The following ZNF761 variants were observed in gnomAD, a reference collection of about 807,000 sequenced individuals.
The protein encoded by ZNF761 is zinc finger protein 761.
A neutral mutation model predicts 59.9 loss-of-function variants in ZNF761; 43 were observed. The ratio of observed to expected loss-of-function variants is 0.72; its 90% CI spans 0.56 to 0.92. The LOEUF is 0.92. Among genes scored for constraint, ZNF761 ranks in the 40% least tolerant of loss-of-function variants. The probability of loss-of-function intolerance (pLI) is 0.00; values close to 1 mark genes in which losing one functional copy is unlikely to be tolerated. For synonymous variants in ZNF761, 294 were observed against 304.8 expected (o/e 0.96, Z 0.37); for missense variants, 850 against 906.1 (o/e 0.94, Z 0.79).
In ZNF761 at chr19:53,441,884, G is replaced by A. The variant is rs974809123; in HGVS notation, c.-184-4343G>A. The A allele has an allele frequency of 6.7e-5, 106 of 1,575,876 alleles. No homozygotes were observed. The Admixed American group carries it at 1.2e-3, about 18-fold the overall frequency. On this transcript the variant is annotated intron_variant, in intron 1 of 4. Transcript: ENST00000684525. ...CAGCATGGCTGGGATCACCACCATC[G>A]AGGCAGTGAAGCGCAAGATCCAGGT...
intron 4 of ZNF761, among the ~76,000 whole-genome samples, chr19:53,452,084 C>T (rs2147140507): frequency 6.6e-6 from 1 of 152,264 alleles, no homozygotes; most frequent in Non-Finnish European, 1.5e-5. Flanking sequence ...CGAGGTGGCT[C>T]ATACCTCTAA....
intron 4 of ZNF761, among the ~76,000 whole-genome samples, chr19:53,450,970 G>A (rs2086216677): frequency 6.7e-6 from 1 of 149,528 alleles, no homozygotes; most frequent in Admixed American, 6.7e-5. Flanking sequence ...TCCAGCCTGG[G>A]CGATAGCACG....
chr19:53,456,447 C>A lies in ZNF761; in HGVS notation c.1940C>A (p.Ser647Ter), dbSNP rs1334687398. 6.2e-7 allele frequency: 1 copy of A among 1,613,768 alleles called. No homozygotes were observed. The highest frequency in any genetic ancestry group is 1.7e-5 in the Admixed American group (1 of 59,992). Residue 647 changes from serine to a stop codon, truncating the protein, a stop_gained, in exon 5 of 5, where the codon TCA becomes TAA. Coordinates refer to ENST00000684525, the MANE Select transcript of ZNF761 (RefSeq NM_001289951.2). LOFTEE classifies it high-confidence loss of function. ...EECDKAFRVK[S>*]NLEGHRRIHT... ...TGTGACAAAGCTTTCCGTGTGAAAT[C>A]AAACCTTGAAGGACATAGGAGAATT... is the stretch of plus-strand genomic sequence containing the variant.
At position 53,456,625 on chromosome 19, in the gene ZNF761, A is replaced by G. The variant is rs553114710; in HGVS notation, c.2118A>G (p.Ile706Met). 12 of 1,613,454 alleles carry G rather than the reference A, an allele frequency of 7.4e-6. No homozygotes were observed. The East Asian group carries it at 2.7e-4, about 36-fold the overall frequency. The change falls in exon 5 of 5, where the codon ATA becomes ATG. Residue 706 changes from isoleucine (I) to methionine (M), a missense_variant. Transcript: ENST00000684525. ...ACTTTAGTCAGAAGTCATCCCTTAT[A>G]TGCCACCATAGACTTCATACTGGAG... ...GKNFSQKSSL[I>M]CHHRLHTGEK...
At chr19:53,439,044 G>A (rs376685282) in intron 1 of ZNF761, among the ~76,000 whole-genome samples, 1 of 152,082 alleles carries the variant, frequency 6.6e-6, no homozygotes, top group South Asian at 2.1e-4. Context: ...GCGGCCACAT[G>A]GCTGGATCAT....
intron 1 of ZNF761, chr19:53,444,959 A>G (rs113234738): frequency 0.2 from 30,153 of 150,484 alleles, 3,439 homozygotes; most frequent in Non-Finnish European, 0.26. Flanking sequence ...AAAAGCACCC[A>G]TGATTCTTTT....
chr19:53,432,945 A>G (rs2085988574), intron 1 of ZNF761, among the ~76,000 whole-genome samples: 1 of 151,740 alleles, frequency 6.6e-6, no homozygotes, highest in Non-Finnish European at 1.5e-5. Flanking sequence ...ATTTGGAGCC[A>G]GGGCAGACAG....
At chr19:53,438,563 A>G (rs865933366) in intron 1 of ZNF761, among the ~76,000 whole-genome samples, 1 of 152,166 alleles carries the variant, frequency 6.6e-6, no homozygotes, top group African/African-American at 2.4e-5. Context: ...TTAGTTTTTT[A>G]AAAGAGGGGC....
At chr19:53,438,735 A>G (rs1179133731) in intron 1 of ZNF761, among the ~76,000 whole-genome samples, 1 of 152,192 alleles carries the variant, frequency 6.6e-6, no homozygotes, top group Non-Finnish European at 1.5e-5. Flanking sequence ...TCATAGCCAA[A>G]CCAGTGTTCC....
chr19:53,452,739 C>G (rs1190612669), intron 4 of ZNF761, among the ~76,000 whole-genome samples: 1 of 152,182 alleles, frequency 6.6e-6, no homozygotes, highest in Non-Finnish European at 1.5e-5. Flanking sequence ...ATGGTGGAAA[C>G]AGGAACAGGC....
chr19:53,440,910 G>C (rs4803121), intron 1 of ZNF761, among the ~76,000 whole-genome samples: 44,854 of 152,076 alleles, frequency 0.29, 7,692 homozygotes, highest in South Asian at 0.54. Flanking sequence ...TCCTGAGCTC[G>C]AAGGATCTTC....
At chr19:53,441,983 G>A (rs1252247784) in intron 1 of ZNF761, 1 of 1,355,416 alleles carries the variant, frequency 7.4e-7, no homozygotes. Context: ...AAAAAGGTGG[G>A]CCTGGGAACA....
chr19:53,455,550 A>G lies in ZNF761; in HGVS notation c.1043A>G (p.His348Arg), dbSNP rs1303023953. 1.2e-6 allele frequency: 2 copies of G among 1,613,094 alleles called. No individual in the cohort carries two copies. Among genetic ancestry groups the G allele is most frequent in the Non-Finnish European group, 8.5e-7 (1 of 1,179,520 alleles). Residue 348 changes from histidine (H) to arginine (R), a missense_variant, in exon 5 of 5, where the codon CAT (histidine) becomes CGT (arginine). Coordinates refer to ENST00000684525, the MANE Select transcript of ZNF761 (RefSeq NM_001289951.2). ...KSILTRHHRL[H>R]TGEKPYKCNE... ...ATCCTTACACGCCATCATCGACTTC[A>G]TACTGGAGAGAAACCTTACAAGTGT...
chr19:53,436,479 G>C (rs1184562354), intron 1 of ZNF761, among the ~76,000 whole-genome samples: 3 of 152,192 alleles, frequency 2.0e-5, no homozygotes, highest in Non-Finnish European at 4.4e-5. Context: ...TGAATACCTA[G>C]TTTGTTTGGT....
chr19:53,453,158 C>G (rs1239359258), intron 4 of ZNF761, among the ~76,000 whole-genome samples: 1 of 152,112 alleles, frequency 6.6e-6, no homozygotes, highest in African/African-American at 2.4e-5. Flanking sequence ...CCCACCACCA[C>G]GACCAGCTAA....
intron 1 of ZNF761, chr19:53,441,776 T>C: frequency 1.1e-6 from 1 of 952,332 alleles, no homozygotes; most frequent in South Asian, 1.4e-5. Flanking sequence ...CAAAATTTCT[T>C]TTTTAATTCA....
chr19:53,437,904 T>G (rs551310574), intron 1 of ZNF761, among the ~76,000 whole-genome samples: 37 of 147,440 alleles, frequency 2.5e-4, no homozygotes, highest in African/African-American at 8.9e-4. Context: ...CCTTTTGAGC[T>G]GATGTTCCGG....
At chr19:53,441,639 G>T (rs1434592152) in intron 1 of ZNF761, among the ~76,000 whole-genome samples, 2 of 152,018 alleles carry the variant, frequency 1.3e-5, no homozygotes, top group African/African-American at 2.4e-5. Flanking sequence ...CAGAGATGGG[G>T]TTTCACCATG....
At chr19:53,446,613 T>C (rs1409469441) in intron 2 of ZNF761, among the ~76,000 whole-genome samples, 1 of 152,116 alleles carries the variant, frequency 6.6e-6, no homozygotes, top group Non-Finnish European at 1.5e-5. Context: ...CCTCAAGTAA[T>C]CCACCCTCCT....
Sources: gnomAD v4.1 joint callset for allele counts (sites outside exome capture counted in the v4.1 genomes callset) on GRCh38, gnomAD v4.1.1 for gene constraint, MANE v1.5 for transcripts, NCBI Gene and HGNC (gene_info 2026-07-23, HGNC 2026-07-21) for gene names.